STON2: variants seen among roughly 807,000 people sequenced by gnomAD.
STON2 encodes stonin-2.
In STON2, 29 loss-of-function variants were observed where a neutral mutation model predicts 65.7. The ratio of observed to expected loss-of-function variants is 0.44; its 90% CI spans 0.33 to 0.60. The LOEUF is 0.60. STON2 is among the 20% of genes least tolerant of loss of function. The pLI, the probability that STON2 is intolerant of heterozygous loss-of-function variation, is 0.03. For synonymous variants in STON2, 404 were observed against 414.2 expected (o/e 0.98, Z 0.30); for missense variants, 1,054 against 1,118.1 (o/e 0.94, Z 0.82).
At chr14:81,423,132 T>G (rs1901794814) in intron 2 of STON2, among the ~76,000 whole-genome samples, 1 of 152,160 alleles carries the variant, frequency 6.6e-6, no homozygotes, top group Non-Finnish European at 1.5e-5. Context: ...TAGGTATACC[T>G]AAGGTGCGCT....
chr14:81,357,055 T>A (rs1197767643), intron 4 of STON2, among the ~76,000 whole-genome samples: 3 of 152,084 alleles, frequency 2.0e-5, no homozygotes, highest in African/African-American at 7.2e-5. Context: ...CAAATGGATC[T>A]AATTAAACTA....
chr14:81,296,086 A>G (rs1239620350), intron 5 of STON2, among the ~76,000 whole-genome samples: 1 of 152,210 alleles, frequency 6.6e-6, no homozygotes, highest in Non-Finnish European at 1.5e-5. Flanking sequence ...AATATTCAAA[A>G]CAGGCAGTGT....
chr14:81,357,477 T>G (rs1311988187), intron 4 of STON2, among the ~76,000 whole-genome samples: 9 of 151,036 alleles, frequency 6.0e-5, no homozygotes, highest in African/African-American at 1.7e-4. Flanking sequence ...TCAACCATTG[T>G]GGAAGTCAGT....
At chr14:81,308,775 T>G (rs1896281206) in intron 5 of STON2, among the ~76,000 whole-genome samples, 4 of 45,632 alleles carry the variant, frequency 8.8e-5, no homozygotes, top group Non-Finnish European at 8.0e-5. Flanking sequence ...AGGACATGGT[T>G]TTACCCATAT....
intron 4 of STON2, among the ~76,000 whole-genome samples, chr14:81,330,152 C>A (rs1017656873): frequency 4.6e-5 from 7 of 152,242 alleles, no homozygotes; most frequent in African/African-American, 1.4e-4. Flanking sequence ...TTAGCACTCC[C>A]CTGGTTATTC....
intron 1 of STON2, among the ~76,000 whole-genome samples, chr14:81,432,795 G>T (rs1902271876): frequency 6.6e-6 from 1 of 152,230 alleles, no homozygotes; most frequent in South Asian, 2.1e-4. Flanking sequence ...TACTCTTACA[G>T]AGCCTACTGC....
At chr14:81,330,090 G>C (rs1247365426) in intron 4 of STON2, among the ~76,000 whole-genome samples, 1 of 151,774 alleles carries the variant, frequency 6.6e-6, no homozygotes, top group Non-Finnish European at 1.5e-5. Flanking sequence ...GTATCTCAGG[G>C]AGGCTCCATG....
chr14:81,308,800 A>ATATATATATATATATATGTGTGTGTG (rs1896290906), intron 5 of STON2, among the ~76,000 whole-genome samples: 1 of 19,658 alleles, frequency 5.1e-5, no homozygotes, highest in Non-Finnish European at 8.1e-5. Flanking sequence ...ATATATATAT[A>ATATATATATATATATATGTGTGTGTG]TATATATATA....
intron 2 of STON2, among the ~76,000 whole-genome samples, chr14:81,421,456 G>T (rs1336429898): frequency 2.0e-5 from 3 of 152,100 alleles, no homozygotes; most frequent in African/African-American, 7.2e-5. Context: ...TTTAGAAAAA[G>T]GTTATTCTGG....
At chr14:81,312,569 TAA>T (rs1464014319) in intron 5 of STON2, among the ~76,000 whole-genome samples, 1 of 152,214 alleles carries the variant, frequency 6.6e-6, no homozygotes, top group African/African-American at 2.4e-5. Context: ...AACTTCCCCC[TAA>T]GTCTTCTGTA....
intron 5 of STON2, among the ~76,000 whole-genome samples, chr14:81,321,181 T>C (rs1416870016): frequency 6.6e-6 from 1 of 152,170 alleles, no homozygotes; most frequent in Non-Finnish European, 1.5e-5. Flanking sequence ...TGCTGCTTTC[T>C]GTTTTTCAGA....
chr14:81,271,135 T>C (rs1314016461), intron 6 of STON2, among the ~76,000 whole-genome samples: 1 of 152,066 alleles, frequency 6.6e-6, no homozygotes, highest in Non-Finnish European at 1.5e-5. Flanking sequence ...ACAGGGGCCA[T>C]CCTGCCTGCT....
intron 4 of STON2, among the ~76,000 whole-genome samples, chr14:81,361,957 G>A (rs1192714348): frequency 1.3e-5 from 2 of 152,244 alleles, no homozygotes; most frequent in East Asian, 1.9e-4. Context: ...CCTCACACCT[G>A]TCAGAATGGC....
intron 2 of STON2, among the ~76,000 whole-genome samples, chr14:81,423,018 G>C (rs1487313607): frequency 2.0e-5 from 3 of 150,100 alleles, no homozygotes; most frequent in African/African-American, 7.5e-5. Context: ...CTGGGAGACA[G>C]GGCAAGACTC....
chr14:81,419,903 C>T (rs951547422), intron 2 of STON2, among the ~76,000 whole-genome samples: 4 of 152,260 alleles, frequency 2.6e-5, no homozygotes, highest in South Asian at 2.1e-4. Context: ...TCACAAGAAT[C>T]GGCTTGTTGC....
At chr14:81,328,061 G>C (rs556426961) in intron 4 of STON2, among the ~76,000 whole-genome samples, 77 of 152,290 alleles carry the variant, frequency 5.1e-4, no homozygotes, top group Non-Finnish European at 9.3e-4. Flanking sequence ...TATGCAAAGA[G>C]TATGTTTCAG....
intron 4 of STON2, among the ~76,000 whole-genome samples, chr14:81,352,351 T>TAA (rs1898056749): frequency 6.6e-6 from 1 of 152,240 alleles, no homozygotes; most frequent in South Asian, 2.1e-4. Context: ...CTAATGTTAC[T>TAA]GTGGTTTGTT....
intron 4 of STON2, among the ~76,000 whole-genome samples, chr14:81,354,975 A>T (rs980545025): frequency 2.2e-4 from 34 of 151,434 alleles, no homozygotes; most frequent in African/African-American, 7.5e-4. Flanking sequence ...AGCAGAGATC[A>T]CTCCGTCTCA....
chr14:81,294,766 G>C (rs565981065), intron 5 of STON2, among the ~76,000 whole-genome samples: 1 of 152,262 alleles, frequency 6.6e-6, no homozygotes, highest in South Asian at 2.1e-4. Context: ...ACTCACTGAG[G>C]TCTAAGGCAA....
Sources: gnomAD v4.1 joint callset for allele counts (sites outside exome capture counted in the v4.1 genomes callset) on GRCh38, gnomAD v4.1.1 for gene constraint, MANE v1.5 for transcripts, NCBI Gene and HGNC (gene_info 2026-07-23, HGNC 2026-07-21) for gene names.